The following TFB2M variants were observed in gnomAD, a reference collection of about 807,000 sequenced individuals.
The protein encoded by TFB2M is dimethyladenosine transferase 2, mitochondrial.
Under a neutral mutation model 41.3 loss-of-function variants are expected in TFB2M, and 44 were observed. The ratio of observed to expected loss-of-function variants is 1.07; its 90% CI spans 0.84 to 1.37. The LOEUF (loss-of-function observed/expected upper bound fraction) is 1.37, where lower values mean the gene tolerates loss of function less well. Ranked by LOEUF, TFB2M falls within the 40% of genes most tolerant of loss-of-function variation. The pLI, the probability that TFB2M is intolerant of heterozygous loss-of-function variation, is 0.00. For missense variants in TFB2M, 496 were observed against 490.2 expected (o/e 1.01, Z -0.11); for synonymous variants, 188 against 176.8 (o/e 1.06, Z -0.50).
intron 2 of TFB2M, among the ~76,000 whole-genome samples, chr1:246,561,321 A>T (rs1341965085): frequency 6.6e-6 from 1 of 152,210 alleles, no homozygotes; most frequent in Non-Finnish European, 1.5e-5. Flanking sequence ...TTAGTCAATG[A>T]TGTTTATATT....
Position 246,540,923 on chromosome 1 carries a change from G to A in TFB2M, c.*108C>T, listed in dbSNP as rs1360650429. 1.8e-6 allele frequency: 2 copies of A among 1,112,528 alleles called. No homozygotes were observed. Among genetic ancestry groups the A allele is most frequent in the Non-Finnish European group, 2.6e-6 (2 of 780,268 alleles). The allele number at this position is 1,112,528 out of a possible 1,614,324, so 68.9% of individuals were successfully genotyped here. A position where few individuals can be genotyped will look rare whatever the true frequency, so the allele number is the denominator to read the frequency against. Reference sequence around the variant, plus strand: ...GAAATGATCTGCCTGGCTTGTGCAAGACAAGAACAGTTACCTTCTGCTGAA... The same window carrying A: ...GAAATGATCTGCCTGGCTTGTGCAAAACAAGAACAGTTACCTTCTGCTGAA... On this transcript the variant is annotated 3_prime_UTR_variant, in exon 8 of 8. Coordinates refer to ENST00000366514, the MANE Select transcript of TFB2M (RefSeq NM_022366.3).
chr1:246,564,392 T>C lies in TFB2M; in HGVS notation c.356A>G (p.Lys119Arg), dbSNP rs1032985576. ...LTQALLEAGA[K>R]VVALESDKTF... ...TTTGTCACTTTCGAGCGCAACCACT[T>C]TGGCACCAGCTTCAAGTAATGCCTG... Residue 119 changes from lysine (K) to arginine (R), a missense_variant, in exon 2 of 8, where the codon AAA becomes AGA. Transcript: ENST00000366514. 7 of 1,614,084 alleles carry C rather than the reference T, an allele frequency of 4.3e-6. No homozygotes were observed. The Admixed American group carries it at 6.7e-5, about 15-fold the overall frequency.
In TFB2M at chr1:246,564,582, A is replaced by G. The variant is rs1572094220; in HGVS notation, c.314-148T>C. 7 of 643,334 alleles carry G rather than the reference A, an allele frequency of 1.1e-5. No individual in the cohort carries two copies. In the East Asian group the frequency reaches 2.0e-4, roughly 18 times the overall value. The allele number at this position is 643,334 out of a possible 1,614,324, so 39.9% of individuals were successfully genotyped here. On this transcript the variant is annotated intron_variant, in intron 1 of 7. Transcript: ENST00000366514. The stretch of plus-strand genomic sequence containing the variant: ...GTAGATGTCACTCTCCTTTTTACAT[A>G]TAAGGAAACAGGAGATTATATATAC...
intron 2 of TFB2M, 23 bp from the exon 3 acceptor site, chr1:246,557,557 CG>C: frequency 6.5e-7 from 1 of 1,538,628 alleles, no homozygotes; most frequent in Non-Finnish European, 8.7e-7. Flanking sequence ...AAAGATAACA[CG>C]TTAAAAATTT....
chr1:246,549,100 C>CTGAGGGAGGAGGA (rs1659098750), intron 5 of TFB2M, among the ~76,000 whole-genome samples: 1 of 151,946 alleles, frequency 6.6e-6, no homozygotes, highest in African/African-American at 2.4e-5. Flanking sequence ...CTTTGGGAGG[C>CTGAGGGAGGAGGA]CAAAGTGGGA....
At chr1:246,559,985 G>A (rs1438771177) in intron 2 of TFB2M, among the ~76,000 whole-genome samples, 4 of 152,206 alleles carry the variant, frequency 2.6e-5, no homozygotes, top group Non-Finnish European at 5.9e-5. Flanking sequence ...CGCATGGCAA[G>A]GCTGTCTAAC....
chr1:246,566,166 A>G lies in TFB2M; in HGVS notation c.-28T>C, dbSNP rs1280919457. The G allele has an allele frequency of 1.9e-6, 3 of 1,591,738 alleles. No homozygotes were observed. Among genetic ancestry groups the G allele is most frequent in the Non-Finnish European group, 2.6e-6 (3 of 1,164,982 alleles). Reference sequence around the variant, plus strand: ...CCTTGTCTCTCAGGCCCGCTCCAAGAATCACCTAGTGCAGCTACTACAGTG... The same window carrying G: ...CCTTGTCTCTCAGGCCCGCTCCAAGGATCACCTAGTGCAGCTACTACAGTG... On this transcript the variant is annotated 5_prime_UTR_variant, in exon 1 of 8. Transcript: ENST00000366514.
chr1:246,544,390 AT>A, intron 7 of TFB2M, 130 bp downstream of exon 7: 1 of 832,432 alleles, frequency 1.2e-6, no homozygotes, highest in Non-Finnish European at 1.9e-6. Context: ...AGAACAAATT[AT>A]TTTGAAGAAA....
intron 2 of TFB2M, among the ~76,000 whole-genome samples, chr1:246,560,414 T>C (rs1162807473): frequency 1.3e-5 from 2 of 152,072 alleles, no homozygotes; most frequent in Non-Finnish European, 2.9e-5. Context: ...TCCCAGTTGC[T>C]TGGGAGGCTG....
chr1:246,549,171 C>CA (rs1659099949), intron 5 of TFB2M, among the ~76,000 whole-genome samples: 1 of 151,674 alleles, frequency 6.6e-6, no homozygotes, highest in South Asian at 2.1e-4. Flanking sequence ...GCCTGGGAAA[C>CA]AGAGTGAGAC....
chr1:246,563,047 T>C (rs746246880), intron 2 of TFB2M, among the ~76,000 whole-genome samples: 4 of 152,094 alleles, frequency 2.6e-5, no homozygotes, highest in Non-Finnish European at 4.4e-5. Context: ...TTCTGATGTT[T>C]CTTCTTAAGA....
chr1:246,549,872 G>C (rs1056853984), intron 5 of TFB2M, among the ~76,000 whole-genome samples: 1 of 152,114 alleles, frequency 6.6e-6, no homozygotes, highest in Non-Finnish European at 1.5e-5. Context: ...ACCATCAGCC[G>C]TGCACAATGA....
chr1:246,562,099 A>G (rs191168233), intron 2 of TFB2M, among the ~76,000 whole-genome samples: 224 of 152,286 alleles, frequency 1.5e-3, no homozygotes, highest in Non-Finnish European at 2.4e-3. Flanking sequence ...TTTTCAAAAC[A>G]GTAAGTGGTA....
At chr1:246,547,218 G>A (rs754938860) in intron 6 of TFB2M, among the ~76,000 whole-genome samples, 8 of 152,054 alleles carry the variant, frequency 5.3e-5, no homozygotes, top group African/African-American at 1.2e-4. Flanking sequence ...TCTTGACCTC[G>A]TGATCCACCC....
chr1:246,556,075 G>A (rs926595138), intron 4 of TFB2M, among the ~76,000 whole-genome samples: 1 of 152,172 alleles, frequency 6.6e-6, no homozygotes, highest in Non-Finnish European at 1.5e-5. Context: ...ACAGGAGTGA[G>A]CCACCGTGCC....
intron 4 of TFB2M, 38 bp downstream of exon 4, chr1:246,556,535 G>A (rs571677424): frequency 1.4e-5 from 19 of 1,397,632 alleles, no homozygotes; most frequent in African/African-American, 1.0e-4. Context: ...AAAAATTACA[G>A]ACTCAGAACA....
chr1:246,548,686 A>T (rs1319041683), intron 5 of TFB2M, 79 bp from the exon 6 acceptor site: 5 of 1,323,440 alleles, frequency 3.8e-6, no homozygotes, highest in Non-Finnish European at 5.3e-6. Flanking sequence ...TTCCTTAAAA[A>T]ACACCTTGCC....
Position 246,543,930 on chromosome 1 carries a change from C to A in TFB2M, c.1019+591G>T, listed in dbSNP as rs1324838451. 4.6e-5 allele frequency among the ~76,000 whole-genome samples: 7 copies of A among 152,114 alleles called. No homozygotes were observed. The East Asian group carries it at 1.3e-3, about 29-fold the overall frequency. On this transcript the variant is annotated intron_variant, in intron 7 of 7. Transcript: ENST00000366514. The stretch of plus-strand genomic sequence containing the variant: ...ACTTGAGCCTGGGAGGACAAGGCTG[C>A]AGTGAGCTGAGACTGTGCCACTACA...
chr1:246,552,980 G>A (rs772611087), intron 4 of TFB2M, among the ~76,000 whole-genome samples: 1 of 152,058 alleles, frequency 6.6e-6, no homozygotes, highest in African/African-American at 2.4e-5. Flanking sequence ...CCAGCACTTT[G>A]GGAGGCTGAG....
Sources: allele counts gnomAD v4.1 joint callset (sites outside exome capture counted in the v4.1 genomes callset), GRCh38; gene constraint gnomAD v4.1.1; transcripts MANE v1.5; gene names NCBI Gene and HGNC (gene_info 2026-07-23, HGNC 2026-07-21).